MTDH: variants seen among roughly 807,000 people sequenced by gnomAD.
MTDH encodes the protein protein LYRIC.
Under a neutral mutation model 72.7 loss-of-function variants are expected in MTDH, and 34 were observed. The observed-to-expected ratio is 0.47, with a 90% CI of 0.36 to 0.62. The LOEUF (loss-of-function observed/expected upper bound fraction) is 0.62. Among genes scored for constraint, MTDH ranks in the 20% least tolerant of loss-of-function variants. MTDH has a pLI of 0.00. For synonymous variants in MTDH, 266 were observed against 268.9 expected, an observed-to-expected ratio of 0.99 and a Z score of 0.10; for missense variants, 677 against 699.4, an observed-to-expected ratio of 0.97 and a Z score of 0.36.
chr8:97,722,876 T>C lies in MTDH; in HGVS notation c.1522-3T>C. On this transcript the variant is annotated splice_polypyrimidine_tract_variant and splice_region_variant and intron_variant, in intron 10 of 11. Transcript: ENST00000336273. ...AACCTGAGATGATTTTTTCCTAAAA[T>C]AGCCTATCAAGACTCTTCCACCTGC... The C allele has an allele frequency of 6.3e-7, 1 of 1,582,910 alleles. No individual in the cohort carries two copies. The highest frequency in any genetic ancestry group is 8.6e-7 in the Non-Finnish European group (1 of 1,168,820).
At chr8:97,646,069 T>G (rs866678908) in intron 1 of MTDH, among the ~76,000 whole-genome samples, 27 of 152,330 alleles carry the variant, frequency 1.8e-4, no homozygotes, top group Middle Eastern at 6.8e-3. Flanking sequence ...TTAAAGAGGT[T>G]TTAACTGAGT....
intron 2 of MTDH, among the ~76,000 whole-genome samples, chr8:97,684,253 T>C (rs1813269851): frequency 6.6e-6 from 1 of 152,158 alleles, no homozygotes; most frequent in South Asian, 2.1e-4. Flanking sequence ...ATTGTGTTGC[T>C]TTTTTTATAT....
chr8:97,661,934 A>G (rs1052757557), intron 2 of MTDH, among the ~76,000 whole-genome samples: 2 of 151,234 alleles, frequency 1.3e-5, no homozygotes, highest in African/African-American at 4.9e-5. Flanking sequence ...AAAAAAAAAA[A>G]GAAAAAAGAT....
chr8:97,673,201 T>C (rs1343361083), intron 2 of MTDH, among the ~76,000 whole-genome samples: 2 of 152,168 alleles, frequency 1.3e-5, no homozygotes, highest in Admixed American at 1.3e-4. Flanking sequence ...GCATATTCTC[T>C]ACTGTCTGGT....
intron 2 of MTDH, among the ~76,000 whole-genome samples, chr8:97,670,855 C>CGAG (rs1812584191): frequency 6.6e-6 from 1 of 151,598 alleles, no homozygotes. Flanking sequence ...CACCTGGGTT[C>CGAG]GAGTGATTCT....
intron 1 of MTDH, among the ~76,000 whole-genome samples, chr8:97,656,343 T>G (rs1300196964): frequency 1.4e-5 from 2 of 145,418 alleles, no homozygotes; most frequent in Non-Finnish European, 3.0e-5. Flanking sequence ...ACTCGCTCTG[T>G]CCCCAGGCTG....
At chr8:97,704,201 G>A (rs1166418178) in intron 7 of MTDH, among the ~76,000 whole-genome samples, 2 of 152,092 alleles carry the variant, frequency 1.3e-5, no homozygotes, top group African/African-American at 4.8e-5. Flanking sequence ...CAGCCCCCAT[G>A]GCAGAATCTG....
At chr8:97,659,433 A>T (rs1048800768) in intron 1 of MTDH, among the ~76,000 whole-genome samples, 4 of 152,230 alleles carry the variant, frequency 2.6e-5, no homozygotes, top group African/African-American at 9.6e-5. Context: ...GACCCAGCAG[A>T]TTATATTTGG....
At chr8:97,666,901 T>A (rs905428980) in intron 2 of MTDH, among the ~76,000 whole-genome samples, 17 of 152,202 alleles carry the variant, frequency 1.1e-4, no homozygotes, top group Admixed American at 2.6e-4. Flanking sequence ...TTCACTGTGT[T>A]GGCCAGGCTG....
rs74595278 is a variant in MTDH at position 97,683,605 on chromosome 8, G to T, written c.484-3063G>T. The stretch of plus-strand genomic sequence containing the variant: ...GAGAATCTCCCTGTGTGTTGCCCTG[G>T]CTGGTCTCATACTCCTGAGCTCAAG... On this transcript the variant is annotated intron_variant, in intron 2 of 11. Coordinates refer to ENST00000336273, the MANE Select transcript of MTDH (RefSeq NM_178812.4). Among the ~76,000 whole-genome samples, 756 of 151,528 alleles carry T rather than the reference G, an allele frequency of 5.0e-3. 1 individual carries two copies. Among genetic ancestry groups the T allele is most frequent in the Non-Finnish European group, 8.5e-3 (577 of 67,876 alleles).
At chr8:97,693,555 T>C (rs772290928) in intron 6 of MTDH, among the ~76,000 whole-genome samples, 1 of 152,160 alleles carries the variant, frequency 6.6e-6, no homozygotes, top group Non-Finnish European at 1.5e-5. Flanking sequence ...CTCAAACTCC[T>C]GACCTCATGA....
rs1815452111 is a variant in MTDH, at chr8:97,728,806, C to T, written c.*4136C>T. 1 of 150,056 alleles carries T rather than the reference C, an allele frequency of 6.7e-6. No individual in the cohort carries two copies. Among genetic ancestry groups the T allele is most frequent in the African/African-American group, 2.4e-5 (1 of 41,026 alleles). The allele number at this position is 150,056 out of a possible 1,614,324, so 9.3% of individuals were successfully genotyped here. A position where few individuals can be genotyped will look rare whatever the true frequency, so the allele number is the denominator to read the frequency against. On this transcript the variant is annotated 3_prime_UTR_variant, in exon 12 of 12. Coordinates refer to ENST00000336273, the MANE Select transcript of MTDH (RefSeq NM_178812.4). ...AACAAAAAAAAGATTGTTTCTCTTT[C>T]ATATTAAAGTTTGGGAAGGCAATCC...
rs370692162 is a variant in MTDH, at chr8:97,709,060, G to A, written c.1272+2310G>A. Among the ~76,000 whole-genome samples the A allele has an allele frequency of 1.1e-4, 16 of 152,036 alleles. No individual in the cohort carries two copies. The East Asian group carries it at 1.8e-3, about 17-fold the overall frequency. On this transcript the variant is annotated intron_variant, in intron 8 of 11. Coordinates refer to ENST00000336273, the MANE Select transcript of MTDH (RefSeq NM_178812.4). The stretch of plus-strand genomic sequence containing the variant: ...ACAAACATTAGCTGGGCATGGTGGC[G>A]GGCACCTGTAATCCCATCTACTCAT...
At chr8:97,657,059 A>C (rs2438222) in intron 1 of MTDH, among the ~76,000 whole-genome samples, 71,558 of 151,864 alleles carry the variant, frequency 0.47, 19,698 homozygotes, top group African/African-American at 0.75. Context: ...GCCCCCTCTT[A>C]CATTCCATTT....
At chr8:97,703,671 G>C (rs1814229326) in intron 7 of MTDH, among the ~76,000 whole-genome samples, 1 of 152,162 alleles carries the variant, frequency 6.6e-6, no homozygotes, top group Admixed American at 6.5e-5. Flanking sequence ...CTACTAGACT[G>C]AATTGAAGTA....
intron 7 of MTDH, among the ~76,000 whole-genome samples, chr8:97,700,851 C>T (rs1814091078): frequency 6.6e-6 from 1 of 152,128 alleles, no homozygotes; most frequent in Admixed American, 6.5e-5. Context: ...CTATCTGGTA[C>T]AGCCTTGGTG....
At position 97,695,652 on chromosome 8, in the gene MTDH, T is replaced by G. The variant is rs1038116209; in HGVS notation, c.1049-4102T>G. ...ACGTTCTTTAAAATAAGAAATGTCT[T>G]GAAAATATTGAGAAAGTAGCATGGT... On this transcript the variant is annotated intron_variant, in intron 6 of 11. Coordinates refer to ENST00000336273, the MANE Select transcript of MTDH (RefSeq NM_178812.4). 2.6e-5 allele frequency among the ~76,000 whole-genome samples: 4 copies of G among 152,260 alleles called. No homozygotes were observed. In the South Asian group the frequency reaches 6.2e-4, roughly 24 times the overall value.
chr8:97,650,070 C>T (rs1811711588), intron 1 of MTDH, among the ~76,000 whole-genome samples: 1 of 152,146 alleles, frequency 6.6e-6, no homozygotes, highest in Non-Finnish European at 1.5e-5. Flanking sequence ...CGTTCTCCTG[C>T]CTCAGCCTCC....
intron 9 of MTDH, among the ~76,000 whole-genome samples, chr8:97,716,341 A>G (rs1227465010): frequency 6.6e-6 from 1 of 151,874 alleles, no homozygotes; most frequent in Non-Finnish European, 1.5e-5. Flanking sequence ...AGCCAAGATC[A>G]TGCCATTGCA....
Sources: gnomAD v4.1 joint callset for allele counts (sites outside exome capture counted in the v4.1 genomes callset) on GRCh38, gnomAD v4.1.1 for gene constraint, MANE v1.5 for transcripts, NCBI Gene and HGNC (gene_info 2026-07-23, HGNC 2026-07-21) for gene names.